Variants in ACTL6B observed in about 807,000 individuals in gnomAD.
The protein encoded by ACTL6B is actin like 6B.
Under a neutral mutation model 63.3 loss-of-function variants are expected in ACTL6B, and 48 were observed. The observed-to-expected ratio is 0.76, with a 90% CI of 0.60 to 0.96. The LOEUF (loss-of-function observed/expected upper bound fraction) is 0.96. Among genes scored for constraint, ACTL6B ranks in the 50% least tolerant of loss-of-function variants. ACTL6B has a pLI of 0.00. For synonymous variants in ACTL6B, 230 were observed against 223.8 expected, an observed-to-expected ratio of 1.03 and a Z score of -0.25; for missense variants, 350 against 572.2, an observed-to-expected ratio of 0.61 and a Z score of 3.96.
chr7:100,646,208 T>TC lies in ACTL6B; in HGVS notation c.1200+40dup. 6.4e-7 allele frequency: 1 copy of TC among 1,556,408 alleles called. No individual in the cohort carries two copies. Among genetic ancestry groups the TC allele is most frequent in the Non-Finnish European group, 8.8e-7 (1 of 1,136,770 alleles). ...GCGGGCACTGTCTGGGTCTCCCCTC[T>TC]CCCCCACAGTCAGTGCTAGGCCAGG... is the stretch of plus-strand genomic sequence containing the variant. On this transcript the variant is annotated intron_variant, in intron 13 of 13. Transcript: ENST00000160382. This position sits in a 1 kb window ranked among gnomAD's most constrained non-coding sequence, Gnocchi z 6.1.
chr7:100,647,654 A>C lies in ACTL6B; in HGVS notation c.670-121T>G, dbSNP rs151030020. On this transcript the variant is annotated intron_variant, in intron 7 of 13. Coordinates refer to ENST00000160382, the MANE Select transcript of ACTL6B (RefSeq NM_016188.5). This position sits in a 1 kb window ranked among gnomAD's most constrained non-coding sequence, Gnocchi z 4.4. ...CTGCAGGCTCTGCTGTGCTGCCTGCAAGAGGGGTTTCTCACCCTTCCCTGA... is the reference window on the plus strand; with the variant it reads ...CTGCAGGCTCTGCTGTGCTGCCTGCCAGAGGGGTTTCTCACCCTTCCCTGA... 3,942 of 712,896 alleles carry C rather than the reference A, an allele frequency of 5.5e-3. 99 individuals are homozygous for C. In the East Asian group the frequency reaches 0.055, roughly 10 times the overall value. 44.2% of individuals were successfully genotyped at this position (712,896 alleles called of 1,614,324 possible).
rs1169711676 is a variant in ACTL6B at position 100,656,409 on chromosome 7, C to A, written c.-55G>T. 2 of 1,264,916 alleles carry A rather than the reference C, an allele frequency of 1.6e-6. No individual in the cohort carries two copies. The highest frequency in any genetic ancestry group is 2.0e-6 in the Non-Finnish European group (2 of 1,002,682). The allele number at this position is 1,264,916 out of a possible 1,614,324, so 78.4% of individuals were successfully genotyped here. ...GGCGGTGGCGGGATCAGCACCGAGG[C>A]GGCCGGACAGCTCCCGGGATCCCTG... On this transcript the variant is annotated 5_prime_UTR_variant, in exon 1 of 14. Coordinates refer to ENST00000160382, the MANE Select transcript of ACTL6B (RefSeq NM_016188.5).
rs1803756395 is a variant in ACTL6B, at chr7:100,643,285, C to T, written c.1242G>A (p.Glu414=). ...GCTCCACGCACTGCTTCCCGCCCTC[C>T]TCATATTCCTGCTTGGAGATCCACA... ...QQMWISKQEY[E]EGGKQCVERK... Residue 414 remains glutamate (E), a synonymous_variant, in exon 14 of 14, where the codon GAG becomes GAA. Transcript: ENST00000160382. The T allele has an allele frequency of 1.9e-6, 3 of 1,614,008 alleles. No individual in the cohort carries two copies. In the African/African-American group the frequency reaches 4.0e-5, roughly 22 times the overall value.
chr7:100,644,836 A>C (rs1803792315), intron 13 of ACTL6B, among the ~76,000 whole-genome samples: 1 of 152,070 alleles, frequency 6.6e-6, no homozygotes, highest in Non-Finnish European at 1.5e-5. Flanking sequence ...TGGGCAGATC[A>C]CTTGAGGTCA....
chr7:100,648,479 CAT>C lies in ACTL6B; in HGVS notation c.669+75_669+76del, dbSNP rs1803868783. The C allele has an allele frequency of 2.4e-6, 3 of 1,252,442 alleles. No homozygotes were observed. The highest frequency in any genetic ancestry group is 1.1e-6 in the Non-Finnish European group (1 of 914,660). The allele number at this position is 1,252,442 out of a possible 1,614,324, so 77.6% of individuals were successfully genotyped here. A position where few individuals can be genotyped will look rare whatever the true frequency, so the allele number is the denominator to read the frequency against. ...CCTGCTGCTCTCTGCTCTGATATCTCATGTGTCAGAGGGTTGACGGCCATGGG... is the reference window on the plus strand; with the variant it reads ...CCTGCTGCTCTCTGCTCTGATATCTCGTGTCAGAGGGTTGACGGCCATGGG... On this transcript the variant is annotated intron_variant, in intron 7 of 13. Coordinates refer to ENST00000160382, the MANE Select transcript of ACTL6B (RefSeq NM_016188.5). The surrounding 1 kb of genome is among the most constrained non-coding windows in gnomAD (Gnocchi z 4.4).
chr7:100,648,007 T>G lies in ACTL6B; in HGVS notation c.670-474A>C, dbSNP rs1803857937. Among the ~76,000 whole-genome samples the G allele has an allele frequency of 6.6e-6, 1 of 150,612 alleles. No homozygotes were observed. Among genetic ancestry groups the G allele is most frequent in the African/African-American group, 2.4e-5 (1 of 40,912 alleles). Reference sequence around the variant, plus strand: ...TGGAGTCTCACTCGGTCGCCCAGGCTGGAGTGCAGTGGCGCGATCTCGGCT... The same window carrying G: ...TGGAGTCTCACTCGGTCGCCCAGGCGGGAGTGCAGTGGCGCGATCTCGGCT... On this transcript the variant is annotated intron_variant, in intron 7 of 13. Transcript: ENST00000160382. The surrounding 1 kb of genome is among the most constrained non-coding windows in gnomAD (Gnocchi z 4.4).
rs542202140 is a variant in ACTL6B at position 100,655,950 on chromosome 7, G to A, written c.26-71C>T. ...TCCCGCTAGGTAGCTCCGAGAGAAA[G>A]TCAGGGCAGAGCCACAGTCTCGCCA... On this transcript the variant is annotated intron_variant, in intron 1 of 13. Transcript: ENST00000160382. The surrounding 1 kb of genome is among the most constrained non-coding windows in gnomAD (Gnocchi z 4.4). 8.8e-6 allele frequency: 13 copies of A among 1,470,104 alleles called. No individual in the cohort carries two copies. Among genetic ancestry groups the A allele is most frequent in the Non-Finnish European group, 1.1e-5 (12 of 1,085,458 alleles). 91.1% of individuals were successfully genotyped at this position (1,470,104 alleles called of 1,614,324 possible). A position where few individuals can be genotyped will look rare whatever the true frequency, so the allele number is the denominator to read the frequency against.
chr7:100,647,626 G>A lies in ACTL6B; in HGVS notation c.670-93C>T. 2 of 936,776 alleles carry A rather than the reference G, an allele frequency of 2.1e-6. No homozygotes were observed. The highest frequency in any genetic ancestry group is 3.3e-6 in the Non-Finnish European group (2 of 612,962). The allele number at this position is 936,776 out of a possible 1,614,324, so 58.0% of individuals were successfully genotyped here. On this transcript the variant is annotated intron_variant, in intron 7 of 13. Coordinates refer to ENST00000160382, the MANE Select transcript of ACTL6B (RefSeq NM_016188.5). The surrounding 1 kb of genome is among the most constrained non-coding windows in gnomAD (Gnocchi z 4.4). Reference sequence around the variant, plus strand: ...CTGTTCCCAGCTCTGCAGCTACCTGGCGCTGCAGGCTCTGCTGTGCTGCCT... The same window carrying A: ...CTGTTCCCAGCTCTGCAGCTACCTGACGCTGCAGGCTCTGCTGTGCTGCCT...
Position 100,647,676 on chromosome 7 carries a change from C to G in ACTL6B, c.670-143G>C. ...TGCAAGAGGGGTTTCTCACCCTTCC[C>G]TGATGGAGAGGAGAGAGAATGGGGC... is the stretch of plus-strand genomic sequence containing the variant. On this transcript the variant is annotated intron_variant, in intron 7 of 13. Transcript: ENST00000160382. The surrounding 1 kb of genome is among the most constrained non-coding windows in gnomAD (Gnocchi z 4.4). The G allele has an allele frequency of 1.6e-6, 1 of 619,946 alleles. No homozygotes were observed. Among genetic ancestry groups the G allele is most frequent in the South Asian group, 2.1e-5 (1 of 47,712 alleles). 38.4% of individuals were successfully genotyped at this position (619,946 alleles called of 1,614,324 possible). A position where few individuals can be genotyped will look rare whatever the true frequency, so the allele number is the denominator to read the frequency against.
chr7:100,647,583 AC>A lies in ACTL6B; in HGVS notation c.670-51del. 2 of 1,354,644 alleles carry A rather than the reference AC, an allele frequency of 1.5e-6. No homozygotes were observed. Among genetic ancestry groups the A allele is most frequent in the South Asian group, 1.4e-5 (1 of 72,700 alleles). 83.9% of individuals were successfully genotyped at this position (1,354,644 alleles called of 1,614,324 possible). ...CCCTTTCCTAGCCCACCTGACCCCC[AC>A]CCCCACCTTCCTGGCACTGTTCCCA... On this transcript the variant is annotated intron_variant, in intron 7 of 13. Coordinates refer to ENST00000160382, the MANE Select transcript of ACTL6B (RefSeq NM_016188.5). The surrounding 1 kb of genome is among the most constrained non-coding windows in gnomAD (Gnocchi z 4.4).
rs1436821067 is a variant in ACTL6B, at chr7:100,648,945, C to G, written c.468-122G>C. The G allele has an allele frequency of 1.1e-6, 1 of 920,470 alleles. No homozygotes were observed. Among genetic ancestry groups the G allele is most frequent in the African/African-American group, 1.7e-5 (1 of 59,194 alleles). 57.0% of individuals were successfully genotyped at this position (920,470 alleles called of 1,614,324 possible). ...CCCATCCCCAGTCTGCAAATCTCTC[C>G]CCCTGGTGATGACTCATCTCCTGGA... is the stretch of plus-strand genomic sequence containing the variant. On this transcript the variant is annotated intron_variant, in intron 5 of 13. Transcript: ENST00000160382. The surrounding 1 kb of genome is among the most constrained non-coding windows in gnomAD (Gnocchi z 4.4).
Position 100,648,342 on chromosome 7 carries a change from C to T in ACTL6B, c.669+214G>A. The T allele has an allele frequency of 5.9e-6, 3 of 508,344 alleles. No individual in the cohort carries two copies. The highest frequency in any genetic ancestry group is 7.0e-6 in the Non-Finnish European group (2 of 285,272). 31.5% of individuals were successfully genotyped at this position (508,344 alleles called of 1,614,324 possible). A position where few individuals can be genotyped will look rare whatever the true frequency, so the allele number is the denominator to read the frequency against. On this transcript the variant is annotated intron_variant, in intron 7 of 13. Transcript: ENST00000160382. This position sits in a 1 kb window ranked among gnomAD's most constrained non-coding sequence, Gnocchi z 4.4. ...AGAACCCACCACACTGGCCCTCACA[C>T]ATCCTGCTGTCTGCCAGCTGGTTTC...
Position 100,650,035 on chromosome 7 carries a change from T to C in ACTL6B, c.467+3A>G, listed in dbSNP as rs1442434704. 1 of 1,613,432 alleles carries C rather than the reference T, an allele frequency of 6.2e-7. No homozygotes were observed. The highest frequency in any genetic ancestry group is 8.5e-7 in the Non-Finnish European group (1 of 1,179,736). On this transcript the variant is annotated splice_donor_region_variant and intron_variant, in intron 5 of 13. Transcript: ENST00000160382. The stretch of plus-strand genomic sequence containing the variant: ...AGTCAGAGCAGCTCAGTCCAGAGGA[T>C]ACGCGGTGAGCACAGCCGTCTTGCA...
intron 4 of ACTL6B, among the ~76,000 whole-genome samples, chr7:100,652,870 A>G (rs539460972): frequency 6.8e-6 from 1 of 147,844 alleles, no homozygotes; most frequent in African/African-American, 2.5e-5. Context: ...GCGTGGTGGC[A>G]CGCACCTGTA....
chr7:100,652,932 C>T (rs1333482478), intron 4 of ACTL6B, among the ~76,000 whole-genome samples: 3 of 128,424 alleles, frequency 2.3e-5, no homozygotes, highest in Non-Finnish European at 3.1e-5. Flanking sequence ...ACCCGGGAGG[C>T]GGAGCTTGCA....
chr7:100,651,584 TTTAA>T (rs1803941682), intron 4 of ACTL6B, among the ~76,000 whole-genome samples: 1 of 151,766 alleles, frequency 6.6e-6, no homozygotes, highest in African/African-American at 2.4e-5. Context: ...TAGATTATTA[TTTAA>T]TTAATTATTT....
rs560092975 is a variant in ACTL6B, at chr7:100,647,387, C to T, written c.759+57G>A. 1.1e-4 allele frequency: 183 copies of T among 1,599,810 alleles called. 3 individuals are homozygous for T. The highest frequency in any genetic ancestry group is 8.6e-4 in the South Asian group (78 of 90,574). ...CCCCTCCCATGCGGGGCCTCTGTCCCGCCCCCGATTCATGGCAGGGGAGGG... is the reference window on the plus strand; with the variant it reads ...CCCCTCCCATGCGGGGCCTCTGTCCTGCCCCCGATTCATGGCAGGGGAGGG... On this transcript the variant is annotated intron_variant, in intron 8 of 13. Coordinates refer to ENST00000160382, the MANE Select transcript of ACTL6B (RefSeq NM_016188.5). This position sits in a 1 kb window ranked among gnomAD's most constrained non-coding sequence, Gnocchi z 4.4.
In ACTL6B at chr7:100,655,428, A is replaced by G; in HGVS notation, c.261T>C (p.Asn87=). 2 of 1,613,710 alleles carry G rather than the reference A, an allele frequency of 1.2e-6. No homozygotes were observed. The highest frequency in any genetic ancestry group is 8.5e-7 in the Non-Finnish European group (1 of 1,179,804). Residue 87 remains asparagine, a synonymous_variant, in exon 3 of 14, where the codon AAT becomes AAC. Transcript: ENST00000160382. This position sits in a 1 kb window ranked among gnomAD's most constrained non-coding sequence, Gnocchi z 4.4. The part of the protein sequence containing the change: ...DGAEVMSPLK[N]GMIEDWECFR... ...TGGGTGGGGGCCCCTTACTCATGCC[A>G]TTCTTGAGGGGCGACATGACCTCCG...
Position 100,650,144 on chromosome 7 carries a change from A to T in ACTL6B, c.370-9T>A, listed in dbSNP as rs1482208877. ...TTGGCCCGTGTGTTCCACTGTGGAG[A>T]AAGTGCAGAGGGGGAGGATTCAGGA... On this transcript the variant is annotated splice_polypyrimidine_tract_variant and intron_variant, in intron 4 of 13. Transcript: ENST00000160382. 1.9e-6 allele frequency: 3 copies of T among 1,613,226 alleles called. No homozygotes were observed. Among genetic ancestry groups the T allele is most frequent in the East Asian group, 4.5e-5 (2 of 44,886 alleles).
Sources: allele counts gnomAD v4.1 joint callset (sites outside exome capture counted in the v4.1 genomes callset), GRCh38; gene constraint gnomAD v4.1.1; non-coding constraint Gnocchi (gnomAD v3.1); transcripts MANE v1.5; gene names NCBI Gene and HGNC (gene_info 2026-07-23, HGNC 2026-07-21).